The following FGGY variants were observed in gnomAD, a reference collection of about 807,000 sequenced individuals.
The protein encoded by FGGY is FGGY carbohydrate kinase domain-containing protein.
Under a neutral mutation model 71.3 loss-of-function variants are expected in FGGY, and 72 were observed. The ratio of observed to expected loss-of-function variants is 1.01; its 90% CI spans 0.84 to 1.23. The LOEUF is 1.23. Ranked by LOEUF, FGGY falls within the 50% of genes most tolerant of loss-of-function variation. FGGY has a pLI of 0.00. For synonymous variants in FGGY, 251 were observed against 250.3 expected, an observed-to-expected ratio of 1.00 and a Z score of -0.02; for missense variants, 668 against 682.3, an observed-to-expected ratio of 0.98 and a Z score of 0.23.
At chr1:59,473,461 G>A (rs2093092646) in intron 6 of FGGY, among the ~76,000 whole-genome samples, 1 of 152,212 alleles carries the variant, frequency 6.6e-6, no homozygotes, top group Admixed American at 6.5e-5. Context: ...CTTGAAGTCA[G>A]TGAGACCAAG....
chr1:59,506,779 A>G (rs2153620007), intron 6 of FGGY, among the ~76,000 whole-genome samples: 1 of 152,318 alleles, frequency 6.6e-6, no homozygotes, highest in East Asian at 1.9e-4. Context: ...ATCCTGGGCA[A>G]CAGAGCGAGA....
intron 12 of FGGY, among the ~76,000 whole-genome samples, chr1:59,660,977 G>T (rs2097268302): frequency 6.6e-6 from 1 of 152,142 alleles, no homozygotes; most frequent in South Asian, 2.1e-4. Flanking sequence ...TTTTAGGAGA[G>T]TAGATCATGG....
intron 5 of FGGY, among the ~76,000 whole-genome samples, chr1:59,409,891 A>C (rs1317585418): frequency 1.3e-5 from 2 of 152,144 alleles, no homozygotes; most frequent in Non-Finnish European, 2.9e-5. Context: ...TTCTGATAGG[A>C]ACCATGTGAA....
chr1:59,457,675 A>G (rs1282196378), intron 6 of FGGY, among the ~76,000 whole-genome samples: 1 of 152,156 alleles, frequency 6.6e-6, no homozygotes, highest in Non-Finnish European at 1.5e-5. Flanking sequence ...CAGCTTGGGA[A>G]TAGCATACTC....
chr1:59,497,348 G>A (rs1041374821), intron 6 of FGGY, among the ~76,000 whole-genome samples: 2 of 152,172 alleles, frequency 1.3e-5, no homozygotes, highest in Non-Finnish European at 2.9e-5. Flanking sequence ...AGCACTTTGC[G>A]AGGCCGAGGC....
Position 59,586,302 on chromosome 1 carries a change from A to G in FGGY, c.904-21501A>G, listed in dbSNP as rs549199547. ...TAGACTGGATTAAGAAAATGTGGCA[A>G]ATATACACCATGGAATACTATGCAG... On this transcript the variant is annotated intron_variant, in intron 8 of 15. Coordinates refer to ENST00000303721, the MANE Select transcript of FGGY (RefSeq NM_018291.5). Among the ~76,000 whole-genome samples, 55 of 152,332 alleles carry G rather than the reference A, an allele frequency of 3.6e-4. No individual in the cohort carries two copies. The East Asian group carries it at 7.5e-3, about 21-fold the overall frequency.
Position 59,339,970 on chromosome 1 carries a change from G to C in FGGY, c.214G>C (p.Gly72Arg). The C allele has an allele frequency of 6.2e-7, 1 of 1,609,764 alleles. No individual in the cohort carries two copies. The highest frequency in any genetic ancestry group is 1.3e-5 in the African/African-American group (1 of 74,906). The stretch of plus-strand genomic sequence containing the variant: ...GTTTTTAAAACAGAAAGTTGTACAA[G>C]GGATTGATTTAAACCAAATTCGAGG... Reference protein sequence around the residue: ...CCVVTKKVVQGIDLNQIRGLG... With the variant: ...CCVVTKKVVQRIDLNQIRGLG... Residue 72 changes from glycine (G) to arginine (R), a missense_variant, in exon 3 of 16, where the codon GGG (glycine) becomes CGG (arginine). Coordinates refer to ENST00000303721, the MANE Select transcript of FGGY (RefSeq NM_018291.5).
chr1:59,410,291 T>G (rs937624447), intron 5 of FGGY, among the ~76,000 whole-genome samples: 2 of 152,198 alleles, frequency 1.3e-5, no homozygotes, highest in Non-Finnish European at 2.9e-5. Context: ...CTGTGTGTAC[T>G]AGGCACGGTA....
chr1:59,485,437 T>A (rs1569866974), intron 6 of FGGY, among the ~76,000 whole-genome samples: 1 of 152,220 alleles, frequency 6.6e-6, no homozygotes, highest in East Asian at 1.9e-4. Context: ...GCTGGTCAGG[T>A]AGGTTAGCAG....
intron 7 of FGGY, among the ~76,000 whole-genome samples, chr1:59,523,118 A>G (rs1387312687): frequency 6.6e-6 from 1 of 152,230 alleles, no homozygotes; most frequent in East Asian, 1.9e-4. Context: ...ACTGGTTCTG[A>G]CACTGCCAAG....
rs142684592 is a variant in FGGY at position 59,515,076 on chromosome 1, G to T, written c.799+2637G>T. 3.6e-4 allele frequency among the ~76,000 whole-genome samples: 55 copies of T among 152,078 alleles called. No individual in the cohort carries two copies. The East Asian group carries it at 5.5e-3, about 15-fold the overall frequency. ...AAATGAGTTAAGACTTTGGAGGACT[G>T]TTGGGAAAGCAGCTGGGAGGGAGGC... On this transcript the variant is annotated intron_variant, in intron 7 of 15. Coordinates refer to ENST00000303721, the MANE Select transcript of FGGY (RefSeq NM_018291.5).
At chr1:59,585,773 T>C (rs1249798846) in intron 8 of FGGY, among the ~76,000 whole-genome samples, 1 of 152,216 alleles carries the variant, frequency 6.6e-6, no homozygotes, top group Non-Finnish European at 1.5e-5. Flanking sequence ...CCTACTCATC[T>C]GACAAAGGGC....
At chr1:59,332,888 C>A (rs909673160) in intron 2 of FGGY, among the ~76,000 whole-genome samples, 1 of 152,160 alleles carries the variant, frequency 6.6e-6, no homozygotes, top group Admixed American at 6.5e-5. Context: ...GTGCTTTGTA[C>A]ATAAAAACAT....
intron 14 of FGGY, among the ~76,000 whole-genome samples, chr1:59,686,854 C>T (rs1047606524): frequency 6.6e-6 from 1 of 152,136 alleles, no homozygotes; most frequent in Non-Finnish European, 1.5e-5. Context: ...GAACACATAC[C>T]TCATGCAATT....
At chr1:59,392,480 G>T (rs989072234) in intron 5 of FGGY, among the ~76,000 whole-genome samples, 1 of 152,076 alleles carries the variant, frequency 6.6e-6, no homozygotes, top group Non-Finnish European at 1.5e-5. Context: ...AAAATGTGCT[G>T]CTTGGAGTGG....
intron 6 of FGGY, among the ~76,000 whole-genome samples, chr1:59,496,642 G>C (rs2094042131): frequency 6.6e-6 from 1 of 151,974 alleles, no homozygotes; most frequent in Non-Finnish European, 1.5e-5. Context: ...CAGTTTACCT[G>C]TGTAACAAGC....
Position 59,660,282 on chromosome 1 carries a change from C to G in FGGY, c.1285C>G (p.Gln429Glu), listed in dbSNP as rs76295402. The G allele has an allele frequency of 2.6e-4, 414 of 1,613,026 alleles. 3 individuals are homozygous for G. In the South Asian group the frequency reaches 3.5e-3, roughly 13 times the overall value. The change falls in exon 12 of 16, where the codon CAA (glutamine) becomes GAA (glutamate). Residue 429 changes from glutamine (Q) to glutamate (E), a missense_variant. Around this residue, in one of 2 missense-constraint regions of FGGY, gnomAD observed 661 missense variants for 661.6 expected, o/e 1.00. Coordinates refer to ENST00000303721, the MANE Select transcript of FGGY (RefSeq NM_018291.5). ...TGCCATTCTCTACCTGGCCACAGTT[C>G]AAGCCATTGCTGTAAGATACTGTAA... ...DLAILYLATV[Q>E]AIALGTRFII...
At chr1:59,694,287 T>TTAAATAAA (rs10590302) in intron 14 of FGGY, among the ~76,000 whole-genome samples, 3,045 of 143,790 alleles carry the variant, frequency 0.021, 49 homozygotes, top group Non-Finnish European at 0.024. Context: ...AGACTCCGTC[T>TTAAATAAA]TAAATAAATA....
chr1:59,675,351 TC>T (rs1165019813), intron 14 of FGGY, among the ~76,000 whole-genome samples: 1 of 152,138 alleles, frequency 6.6e-6, no homozygotes, highest in Non-Finnish European at 1.5e-5. Flanking sequence ...TAACAATGCT[TC>T]ATGAGCCACA....
Sources: gnomAD v4.1 joint callset for allele counts (sites outside exome capture counted in the v4.1 genomes callset) on GRCh38, gnomAD v4.1.1 for gene constraint, gnomAD v4.1.1 regional missense constraint, MANE v1.5 for transcripts, NCBI Gene and HGNC (gene_info 2026-07-23, HGNC 2026-07-21) for gene names.